The following ATXN1 variants were observed in gnomAD, a reference collection of about 807,000 sequenced individuals.
ATXN1 encodes the protein ataxin 1.
A neutral mutation model predicts 56.4 loss-of-function variants in ATXN1; 8 were observed. That is an observed-to-expected ratio of 0.14 (90% CI 0.08 to 0.26). The LOEUF (loss-of-function observed/expected upper bound fraction) is 0.26. Ranked by LOEUF, ATXN1 falls within the 10% of genes least tolerant of loss-of-function variation. The pLI is 1.00. For missense variants in ATXN1, 987 were observed against 1,106.5 expected (o/e 0.89, Z 1.53); for synonymous variants, 514 against 494.6 (o/e 1.04, Z -0.52).
At chr6:16,386,195 G>A (rs1581728290) in intron 6 of ATXN1, among the ~76,000 whole-genome samples, 1 of 152,288 alleles carries the variant, frequency 6.6e-6, no homozygotes, top group African/African-American at 2.4e-5. Context: ...TTAAGTGAAG[G>A]TTGCTCCATC....
At chr6:16,529,715 C>CTT (rs112997423) in intron 4 of ATXN1, among the ~76,000 whole-genome samples, 6,262 of 152,218 alleles carry the variant, frequency 0.041, 430 homozygotes, top group African/African-American at 0.14. Context: ...TATCCACAGT[C>CTT]TAACACAATT....
chr6:16,498,760 G>A (rs1760824422), intron 5 of ATXN1, among the ~76,000 whole-genome samples: 1 of 152,114 alleles, frequency 6.6e-6, no homozygotes, highest in East Asian at 1.9e-4. Flanking sequence ...AATGATGTTG[G>A]ACATCTTTTC....
intron 3 of ATXN1, among the ~76,000 whole-genome samples, chr6:16,593,271 G>A (rs982257528): frequency 6.6e-6 from 1 of 152,194 alleles, no homozygotes; most frequent in Non-Finnish European, 1.5e-5. Flanking sequence ...CACTCAAGGA[G>A]CGACACTGTC....
intron 2 of ATXN1, among the ~76,000 whole-genome samples, chr6:16,701,779 G>C (rs944065937): frequency 5.3e-5 from 8 of 152,260 alleles, no homozygotes; most frequent in South Asian, 2.1e-4. Flanking sequence ...ACTTACAAGG[G>C]ATGTGAAGAA....
At chr6:16,369,589 G>A (rs371552809) in intron 6 of ATXN1, among the ~76,000 whole-genome samples, 9 of 152,306 alleles carry the variant, frequency 5.9e-5, no homozygotes, top group East Asian at 1.9e-4. Flanking sequence ...CCACCCGTTC[G>A]CTCTTGGCTC....
At position 16,595,758 on chromosome 6, in the gene ATXN1, CA is replaced by C. The variant is rs200194452; in HGVS notation, c.-488-9852del. ...AAACGGAATGTTGACAGAGAGTAAA[CA>C]AGCAACATATGCTATTAATGCCTGT... is the stretch of plus-strand genomic sequence containing the variant. On this transcript the variant is annotated intron_variant, in intron 3 of 7. Coordinates refer to ENST00000436367, the MANE Select transcript of ATXN1 (RefSeq NM_001128164.2). Among the ~76,000 whole-genome samples the C allele has an allele frequency of 4.7e-3, 723 of 152,300 alleles. 5 individuals are homozygous for C. The highest frequency in any genetic ancestry group is 0.016 in the African/African-American group (682 of 41,544).
At chr6:16,507,386 C>T (rs761135536) in intron 5 of ATXN1, among the ~76,000 whole-genome samples, 1 of 152,218 alleles carries the variant, frequency 6.6e-6, no homozygotes, top group Non-Finnish European at 1.5e-5. Flanking sequence ...TGAAACGTTC[C>T]TCATGCCTCT....
At chr6:16,492,600 T>C (rs1334751435) in intron 5 of ATXN1, among the ~76,000 whole-genome samples, 1 of 151,774 alleles carries the variant, frequency 6.6e-6, no homozygotes, top group Non-Finnish European at 1.5e-5. Context: ...AATTTGTCTA[T>C]TGTAACCAAA....
chr6:16,584,243 TACACACACACACAC>T (rs368108414), intron 4 of ATXN1, among the ~76,000 whole-genome samples: 8 of 118,520 alleles, frequency 6.7e-5, no homozygotes, highest in African/African-American at 2.6e-4. Flanking sequence ...TATATATATA[TACACACACACACAC>T]ACACACACAC....
chr6:16,752,383 T>C (rs1280036267), intron 2 of ATXN1, among the ~76,000 whole-genome samples: 1 of 152,162 alleles, frequency 6.6e-6, no homozygotes, highest in African/African-American at 2.4e-5. Context: ...GGAAACATTC[T>C]GATTCATCAA....
At position 16,327,278 on chromosome 6, in the gene ATXN1, C is replaced by T; in HGVS notation, c.1033G>A (p.Gly345Ser). 6.2e-7 allele frequency: 1 copy of T among 1,613,390 alleles called. No homozygotes were observed. Among genetic ancestry groups the T allele is most frequent in the Non-Finnish European group, 8.5e-7 (1 of 1,179,846 alleles). ...GGAACCGACTTGCCGCCTGCCTTGCCCAGGCCCAGGTCGGCTGAGGACGGG... is the reference window on the plus strand; with the variant it reads ...GGAACCGACTTGCCGCCTGCCTTGCTCAGGCCCAGGTCGGCTGAGGACGGG... ...GAPSSADLGL[G>S]KAGGKSVPHP... The change falls in exon 7 of 8, where the codon GGC (glycine) becomes AGC (serine). Residue 345 changes from glycine (G) to serine (S), a missense_variant. Around this residue, in one of 3 missense-constraint regions of ATXN1, gnomAD observed 723 missense variants for 791.7 expected, o/e 0.91. Coordinates refer to ENST00000436367, the MANE Select transcript of ATXN1 (RefSeq NM_001128164.2).
chr6:16,627,333 TG>T (rs1763424047), intron 3 of ATXN1, among the ~76,000 whole-genome samples: 1 of 152,226 alleles, frequency 6.6e-6, no homozygotes, highest in South Asian at 2.1e-4. Flanking sequence ...GAGGTGTGTC[TG>T]TTTTTCCCTG....
chr6:16,464,103 G>C (rs1760053048), intron 6 of ATXN1, among the ~76,000 whole-genome samples: 1 of 152,192 alleles, frequency 6.6e-6, no homozygotes, highest in Non-Finnish European at 1.5e-5. Context: ...TTAGAGGGGG[G>C]ATTGAGAGGT....
chr6:16,466,309 C>A, intron 6 of ATXN1, among the ~76,000 whole-genome samples: 1 of 111,510 alleles, frequency 9.0e-6, no homozygotes, highest in South Asian at 3.1e-4. Context: ...CAGAGTCAGA[C>A]CCCATCTCAA....
At chr6:16,750,968 C>CT (rs35690453) in intron 2 of ATXN1, among the ~76,000 whole-genome samples, 2,206 of 135,842 alleles carry the variant, frequency 0.016, 67 homozygotes, top group East Asian at 0.13. Context: ...TCTTTCCTCT[C>CT]TTTTTTTTTT....
chr6:16,621,550 G>A (rs1038302908), intron 3 of ATXN1, among the ~76,000 whole-genome samples: 4 of 152,038 alleles, frequency 2.6e-5, no homozygotes, highest in Non-Finnish European at 5.9e-5. Flanking sequence ...GGAGAATGCC[G>A]TCTCTACTAA....
chr6:16,668,312 T>A (rs1758472983), intron 2 of ATXN1, among the ~76,000 whole-genome samples: 1 of 151,976 alleles, frequency 6.6e-6, no homozygotes, highest in African/African-American at 2.4e-5. Context: ...TCATTTAGCA[T>A]TAGGTATATC....
At chr6:16,617,636 G>A (rs960072768) in intron 3 of ATXN1, among the ~76,000 whole-genome samples, 16 of 151,742 alleles carry the variant, frequency 1.1e-4, no homozygotes, top group Non-Finnish European at 5.9e-5. Flanking sequence ...GCGTGGTGGC[G>A]GGCGCCTGCA....
chr6:16,735,772 G>C (rs1312970643), intron 2 of ATXN1, among the ~76,000 whole-genome samples: 1 of 152,044 alleles, frequency 6.6e-6, no homozygotes, highest in Non-Finnish European at 1.5e-5. Flanking sequence ...GCAGTGAGCT[G>C]AGATCGTGCC....
Sources: allele counts gnomAD v4.1 joint callset (sites outside exome capture counted in the v4.1 genomes callset), GRCh38; gene constraint gnomAD v4.1.1; regional missense constraint gnomAD v4.1.1; transcripts MANE v1.5; gene names NCBI Gene and HGNC (gene_info 2026-07-23, HGNC 2026-07-21).